Variants in CNBD1 observed in about 807,000 individuals in gnomAD.
CNBD1 encodes cyclic nucleotide-binding domain-containing protein 1.
A neutral mutation model predicts 54.4 loss-of-function variants in CNBD1; 71 were observed. The ratio of observed to expected loss-of-function variants is 1.30; its 90% CI spans 1.08 to 1.59. The LOEUF (loss-of-function observed/expected upper bound fraction) is 1.59, where lower values mean the gene tolerates loss of function less well. CNBD1 is among the 40% of genes most tolerant of loss of function. The pLI is 0.00. For missense variants in CNBD1, 659 were observed against 518.0 expected (o/e 1.27, Z -2.64); for synonymous variants, 182 against 170.7 (o/e 1.07, Z -0.51).
At chr8:87,271,865 T>A (rs1375457384) in intron 6 of CNBD1, among the ~76,000 whole-genome samples, 1 of 151,926 alleles carries the variant, frequency 6.6e-6, no homozygotes, top group African/African-American at 2.4e-5. Context: ...TAAGTGTCCA[T>A]CAATGGATGA....
intron 8 of CNBD1, among the ~76,000 whole-genome samples, chr8:87,349,503 T>A (rs1448230092): frequency 6.6e-6 from 1 of 152,046 alleles, no homozygotes; most frequent in Non-Finnish European, 1.5e-5. Flanking sequence ...AGCCTTCCGA[T>A]TAGCTGGAAT....
intron 8 of CNBD1, among the ~76,000 whole-genome samples, chr8:87,322,565 C>A (rs1482417338): frequency 8.7e-6 from 1 of 115,466 alleles, no homozygotes; most frequent in African/African-American, 3.3e-5. Flanking sequence ...TAATGATGAG[C>A]ATTTTTTCAT....
intron 8 of CNBD1, among the ~76,000 whole-genome samples, chr8:87,303,331 C>T (rs866336942): frequency 7.2e-5 from 11 of 151,910 alleles, no homozygotes; most frequent in East Asian, 1.9e-4. Context: ...GAAATAATGC[C>T]GCATATCTAC....
At chr8:87,259,550 TATTTG>T (rs890056598) in intron 6 of CNBD1, among the ~76,000 whole-genome samples, 17 of 152,332 alleles carry the variant, frequency 1.1e-4, no homozygotes, top group East Asian at 5.8e-4. Context: ...ACTTTCAAAA[TATTTG>T]ATTTAAGTGC....
intron 6 of CNBD1, among the ~76,000 whole-genome samples, chr8:87,238,379 A>G: frequency 6.6e-6 from 1 of 152,112 alleles, no homozygotes; most frequent in Non-Finnish European, 1.5e-5. Flanking sequence ...CCCATGGGGT[A>G]GGCTTATGGA....
intron 10 of CNBD1, among the ~76,000 whole-genome samples, chr8:87,376,893 TAGAA>T (rs1563576834): frequency 1.3e-5 from 2 of 151,766 alleles, no homozygotes; most frequent in East Asian, 1.9e-4. Context: ...ATCAGAACCT[TAGAA>T]AGAAGAAATA....
chr8:87,261,341 G>A (rs1050266293), intron 6 of CNBD1, among the ~76,000 whole-genome samples: 1 of 151,972 alleles, frequency 6.6e-6, no homozygotes, highest in African/African-American at 2.4e-5. Context: ...TGCTCCTGGG[G>A]GTTGCTAGAA....
At chr8:86,946,289 T>C (rs1807464376) in intron 4 of CNBD1, among the ~76,000 whole-genome samples, 2 of 152,288 alleles carry the variant, frequency 1.3e-5, no homozygotes, top group East Asian at 3.9e-4. Context: ...CTATTACTTC[T>C]TTATCATATA....
chr8:87,044,429 C>G (rs1241365379), intron 4 of CNBD1: 2 of 151,742 alleles, frequency 1.3e-5, no homozygotes, highest in Non-Finnish European at 1.5e-5. Context: ...GTCTCATGAC[C>G]GAGAATATTA....
intron 6 of CNBD1, among the ~76,000 whole-genome samples, chr8:87,281,581 T>C (rs1001405678): frequency 1.2e-5 from 1 of 80,228 alleles, no homozygotes; most frequent in East Asian, 4.1e-4. Flanking sequence ...TATATATATA[T>C]ATATATATAT....
At chr8:87,001,441 T>C (rs1326975605) in intron 4 of CNBD1, among the ~76,000 whole-genome samples, 1 of 152,178 alleles carries the variant, frequency 6.6e-6, no homozygotes, top group East Asian at 1.9e-4. Flanking sequence ...TACTGTTTCT[T>C]TTCCTTTTGA....
chr8:87,377,107 C>A (rs1272989587), intron 10 of CNBD1, among the ~76,000 whole-genome samples: 1 of 140,412 alleles, frequency 7.1e-6, no homozygotes, highest in African/African-American at 2.6e-5. Context: ...TTATTTTTCG[C>A]AGATAATTTT....
chr8:87,030,440 A>G (rs1259030910), intron 4 of CNBD1, among the ~76,000 whole-genome samples: 3 of 152,194 alleles, frequency 2.0e-5, no homozygotes, highest in African/African-American at 7.2e-5. Context: ...AAGATAGTGA[A>G]AGATTAGAAA....
intron 8 of CNBD1, among the ~76,000 whole-genome samples, chr8:87,297,738 G>T (rs1373084224): frequency 1.3e-5 from 2 of 151,626 alleles, no homozygotes; most frequent in Non-Finnish European, 2.9e-5. Context: ...TCAAGAAAAT[G>T]AAAACATATT....
chr8:87,010,390 C>T (rs1376049465), intron 4 of CNBD1, among the ~76,000 whole-genome samples: 2 of 152,082 alleles, frequency 1.3e-5, no homozygotes, highest in African/African-American at 4.8e-5. Flanking sequence ...TTAAATCCAT[C>T]TACTAGGTTC....
At chr8:87,164,124 T>G (rs1331045464) in intron 4 of CNBD1, among the ~76,000 whole-genome samples, 2 of 151,974 alleles carry the variant, frequency 1.3e-5, no homozygotes, top group Admixed American at 1.3e-4. Flanking sequence ...TTGAATCATC[T>G]TTGCACCTCA....
At chr8:87,118,602 C>T (rs74860693) in intron 4 of CNBD1, among the ~76,000 whole-genome samples, 1,630 of 152,196 alleles carry the variant, frequency 0.011, 30 homozygotes, top group African/African-American at 0.038. Flanking sequence ...ATACAGTGAA[C>T]AGGACATGGG....
chr8:87,318,324 C>G (rs2130896848), intron 8 of CNBD1, among the ~76,000 whole-genome samples: 1 of 152,014 alleles, frequency 6.6e-6, no homozygotes, highest in Non-Finnish European at 1.5e-5. Context: ...TATAAGTTTT[C>G]TTGAGCTTTG....
At chr8:87,208,700 A>T (rs1814029568) in intron 5 of CNBD1, among the ~76,000 whole-genome samples, 3 of 152,010 alleles carry the variant, frequency 2.0e-5, no homozygotes, top group African/African-American at 7.2e-5. Context: ...CCATTTCTAT[A>T]AAATAATGTT....
Sources: gnomAD v4.1 joint callset for allele counts (sites outside exome capture counted in the v4.1 genomes callset) on GRCh38, gnomAD v4.1.1 for gene constraint, MANE v1.5 for transcripts, NCBI Gene and HGNC (gene_info 2026-07-23, HGNC 2026-07-21) for gene names.